DIXDC1: variants seen among roughly 807,000 people sequenced by gnomAD.
DIXDC1 encodes dixin.
DIXDC1 carries 64 observed loss-of-function variants against 103.1 expected under a neutral mutation model. The observed-to-expected ratio is 0.62, with a 90% CI of 0.51 to 0.76. The LOEUF is 0.76. Among genes scored for constraint, DIXDC1 ranks in the 30% least tolerant of loss-of-function variants. The pLI, the probability that DIXDC1 is intolerant of heterozygous loss-of-function variation, is 0.00. For missense variants in DIXDC1, 759 were observed against 834.2 expected (o/e 0.91, Z 1.11); for synonymous variants, 266 against 298.5 (o/e 0.89, Z 1.12).
intron 5 of DIXDC1, 57 bp downstream of exon 5, chr11:111,975,040 A>G (rs1033719980): frequency 6.4e-7 from 1 of 1,564,018 alleles, no homozygotes; most frequent in Non-Finnish European, 8.7e-7. Flanking sequence ...CTCGGCTTCA[A>G]GTAACAATAC....
intron 5 of DIXDC1, chr11:111,975,276 G>A: frequency 8.3e-7 from 1 of 1,204,376 alleles, no homozygotes; most frequent in Non-Finnish European, 1.0e-6. Context: ...CCAGTCCAGT[G>A]GTTCTGACAT....
chr11:111,954,059 G>A (rs1229898651), intron 1 of DIXDC1, among the ~76,000 whole-genome samples: 1 of 152,078 alleles, frequency 6.6e-6, no homozygotes, highest in Non-Finnish European at 1.5e-5. Context: ...GGTGGGGGAT[G>A]GTTTTGAGGT....
At chr11:111,932,413 A>AG (rs1447382937), upstream of DIXDC1, among the ~76,000 whole-genome samples, 1 of 151,660 alleles carries the variant, frequency 6.6e-6, no homozygotes, top group Non-Finnish European at 1.5e-5. Flanking sequence ...ACCCAGGAAT[A>AG]GGTTAAAAAA....
In DIXDC1 at chr11:111,995,465, C is replaced by T. The variant is rs782233540; in HGVS notation, c.1590C>T (p.His530=). ...LRSLRNSFSG[H]DPQHHTIDSL... ...GCCTGCGCAACAGCTTCAGTGGCCA[C>T]GATCCTCAGCACCACACTATTGACA... is the stretch of plus-strand genomic sequence containing the variant. The change falls in exon 16 of 20, where the codon CAC becomes CAT. Residue 530 remains histidine, a synonymous_variant. Coordinates refer to ENST00000440460, the MANE Select transcript of DIXDC1 (RefSeq NM_001037954.4). 4.3e-6 allele frequency: 7 copies of T among 1,613,892 alleles called. No individual in the cohort carries two copies. Among genetic ancestry groups the T allele is most frequent in the South Asian group, 1.1e-5 (1 of 91,074 alleles).
intron 14 of DIXDC1, among the ~76,000 whole-genome samples, chr11:111,994,251 G>A (rs139948328): frequency 6.6e-6 from 1 of 152,138 alleles, no homozygotes; most frequent in Non-Finnish European, 1.5e-5. Context: ...AGCCAGGCGT[G>A]GTGGTGGATG....
intron 17 of DIXDC1, among the ~76,000 whole-genome samples, chr11:112,001,697 T>C (rs1555176019): frequency 6.6e-6 from 1 of 151,430 alleles, no homozygotes; most frequent in Non-Finnish European, 1.5e-5. Flanking sequence ...GGCTCACTTG[T>C]GGTAGACCCT....
intron 17 of DIXDC1, among the ~76,000 whole-genome samples, chr11:111,996,617 G>A (rs1356689136): frequency 6.6e-6 from 1 of 152,156 alleles, no homozygotes; most frequent in East Asian, 1.9e-4. Flanking sequence ...TTGGGAGGCT[G>A]AGGTGGGTGG....
At position 111,930,849 on chromosome 11, in the gene DIXDC1, CTTTTTTT is replaced by C. The variant is rs782075106; in HGVS notation, c.57+954_57+960del. 1.4e-3 allele frequency among the ~76,000 whole-genome samples: 168 copies of C among 116,828 alleles called. 1 individual carries two copies. Among genetic ancestry groups the C allele is most frequent in the African/African-American group, 5.8e-3 (155 of 26,758 alleles). 76.6% of individuals were successfully genotyped at this position (116,828 alleles called of 152,430 possible). On this transcript the variant is annotated intron_variant, in intron 2 of 5. Transcript: ENST00000529225. ...CCTCCTTTCTTTCTTTCTTTCTTTC[CTTTTTTT>C]TTTTTTTTTTTTTTGAGATGGAGTT...
In DIXDC1 at chr11:111,964,580, A is replaced by G; in HGVS notation, c.92A>G (p.Asn31Ser). Residue 31 changes from asparagine (N) to serine (S), a missense_variant, in exon 2 of 20, where the codon AAT becomes AGT. Coordinates refer to ENST00000440460, the MANE Select transcript of DIXDC1 (RefSeq NM_001037954.4). ...QQLQAYVAWV[N>S]AQLKKRPAVK... ...CTGCAGGCCTATGTGGCCTGGGTGAATGCACAGCTGAAGAAGAGGCCAGCA... is the reference window on the plus strand; with the variant it reads ...CTGCAGGCCTATGTGGCCTGGGTGAGTGCACAGCTGAAGAAGAGGCCAGCA... The G allele has an allele frequency of 1.2e-6, 2 of 1,608,924 alleles. No homozygotes were observed. Among genetic ancestry groups the G allele is most frequent in the South Asian group, 2.2e-5 (2 of 90,100 alleles).
chr11:111,991,011 T>C (rs1860695663), intron 10 of DIXDC1, among the ~76,000 whole-genome samples: 1 of 152,176 alleles, frequency 6.6e-6, no homozygotes, highest in African/African-American at 2.4e-5. Flanking sequence ...AGCCTGAATA[T>C]ATGTTATTTC....
chr11:111,954,582 C>G (rs1357222524), intron 1 of DIXDC1, among the ~76,000 whole-genome samples: 5 of 152,110 alleles, frequency 3.3e-5, no homozygotes, highest in Non-Finnish European at 4.4e-5. Flanking sequence ...TTATATCAGA[C>G]AGTTGAGCAT....
At chr11:111,939,430 T>C (rs1966342590) in intron 1 of DIXDC1, among the ~76,000 whole-genome samples, 1 of 152,236 alleles carries the variant, frequency 6.6e-6, no homozygotes. Flanking sequence ...CATAACTTTT[T>C]AATTAATTGA....
Position 111,986,906 on chromosome 11 carries a change from G to A in DIXDC1, c.1044G>A (p.Glu348=). ...AAAGTCGTCTGGATCAGAGTATGGA[G>A]GAGAATCAGGACTTAAAGGTATGTC... ...IIQSRLDQSM[E]ENQDLKKELL... The change falls in exon 9 of 20, where the codon GAG becomes GAA. Residue 348 remains glutamate, a synonymous_variant. Coordinates refer to ENST00000440460, the MANE Select transcript of DIXDC1 (RefSeq NM_001037954.4). The A allele has an allele frequency of 2.5e-6, 4 of 1,576,884 alleles. No homozygotes were observed. Among genetic ancestry groups the A allele is most frequent in the Non-Finnish European group, 2.6e-6 (3 of 1,160,050 alleles).
intron 17 of DIXDC1, among the ~76,000 whole-genome samples, chr11:112,011,941 TTAAAG>T (rs1292829763): frequency 5.3e-5 from 8 of 152,048 alleles, no homozygotes; most frequent in East Asian, 1.9e-4. Flanking sequence ...ACCCTAGAAC[TTAAAG>T]TATAGTAAAA....
At chr11:112,013,322 GGGGGT>G (rs1263167441) in intron 17 of DIXDC1, among the ~76,000 whole-genome samples, 1 of 59,868 alleles carries the variant, frequency 1.7e-5, no homozygotes, top group Non-Finnish European at 2.9e-5. Context: ...GTCGGGGGGT[GGGGGT>G]GGGGTGGGGG....
chr11:111,960,519 G>A (rs1033400534), intron 1 of DIXDC1, among the ~76,000 whole-genome samples: 2 of 151,202 alleles, frequency 1.3e-5, no homozygotes, highest in Admixed American at 6.6e-5. Flanking sequence ...GCTTGAACCC[G>A]GGAGGCGGAG....
chr11:111,987,105 C>T (rs1860518587), intron 9 of DIXDC1, among the ~76,000 whole-genome samples, 181 bp downstream of exon 9: 1 of 152,032 alleles, frequency 6.6e-6, no homozygotes, highest in African/African-American at 2.4e-5. Flanking sequence ...GAAAAATTAG[C>T]TGGATGTGCT....
intron 17 of DIXDC1, among the ~76,000 whole-genome samples, chr11:112,012,164 G>C (rs1555177267): frequency 1.3e-5 from 2 of 152,160 alleles, no homozygotes; most frequent in East Asian, 1.9e-4. Flanking sequence ...TGCAGTTCCA[G>C]TGAAAATCCT....
intron 9 of DIXDC1, among the ~76,000 whole-genome samples, chr11:111,987,771 T>C (rs1364805323): frequency 2.6e-5 from 4 of 151,198 alleles, no homozygotes; most frequent in African/African-American, 9.7e-5. Flanking sequence ...GCGATTCTCC[T>C]GCCTCAGCCT....
Sources: allele counts gnomAD v4.1 joint callset (sites outside exome capture counted in the v4.1 genomes callset), GRCh38; gene constraint gnomAD v4.1.1; transcripts MANE v1.5; gene names NCBI Gene and HGNC (gene_info 2026-07-23, HGNC 2026-07-21).